The following RLIM variants were observed in gnomAD, a reference collection of about 807,000 sequenced individuals.
RLIM encodes ring finger protein, LIM domain interacting.
A neutral mutation model predicts 34.0 loss-of-function variants in RLIM; 2 were observed. The ratio of observed to expected loss-of-function variants is 0.06; its 90% CI spans 0.02 to 0.19. The LOEUF is 0.19. RLIM is among the 10% of genes least tolerant of loss of function. The pLI is 1.00. For missense variants in RLIM, 286 were observed against 479.7 expected (o/e 0.60, Z 3.77); for synonymous variants, 169 against 164.0 (o/e 1.03, Z -0.23).
chrX:74,584,043 TCAAA>T lies in RLIM; in HGVS notation c.*7393_*7396del, dbSNP rs759930645. 9.8e-5 allele frequency among the ~76,000 whole-genome samples: 11 copies of T among 111,699 alleles called. No homozygotes were observed. The highest frequency in any genetic ancestry group is 8.4e-4 in the East Asian group (3 of 3,566). On this transcript the variant is annotated 3_prime_UTR_variant, in exon 4 of 4. Transcript: ENST00000332687. The stretch of plus-strand genomic sequence containing the variant: ...CTGGGCGACAGGGCGAGAATCCATC[TCAAA>T]CAAACAAAAAAATAAACAAAAACCA...
rs925559902 is a variant in RLIM, at chrX:74,583,803, T to G, written c.*7637A>C. On this transcript the variant is annotated 3_prime_UTR_variant, in exon 4 of 4. Transcript: ENST00000332687. ...TGGCTCACGCCTGTAATACCACCAC[T>G]GTGGGAGGCCGAGACGGGCAGATCA... Among the ~76,000 whole-genome samples, 2 of 111,251 alleles carry G rather than the reference T, an allele frequency of 1.8e-5. No individual in the cohort carries two copies. Among genetic ancestry groups the G allele is most frequent in the Non-Finnish European group, 3.8e-5 (2 of 53,036 alleles).
Position 74,583,354 on chromosome X carries a change from A to T in RLIM, c.*8086T>A. 3.6e-6 allele frequency: 3 copies of T among 839,839 alleles called. No individual in the cohort carries two copies. The highest frequency in any genetic ancestry group is 5.4e-6 in the Non-Finnish European group (3 of 554,819). The allele number at this position is 839,839 out of a possible 1,213,427, so 69.2% of individuals were successfully genotyped here. A position where few individuals can be genotyped will look rare whatever the true frequency, so the allele number is the denominator to read the frequency against. ...TCTTGAGGGGCAGATGCCAACATGG[A>T]AACAGTCAAAGGTTCCTGACCTTGT... On this transcript the variant is annotated 3_prime_UTR_variant, in exon 4 of 4. Transcript: ENST00000332687.
intron 1 of RLIM, among the ~76,000 whole-genome samples, chrX:74,610,248 C>G (rs2079703020): frequency 9.0e-6 from 1 of 111,344 alleles, no homozygotes; most frequent in African/African-American, 3.3e-5. Context: ...GAAACTCCAT[C>G]TCTAGTAAAA....
In RLIM at chrX:74,598,351, G is replaced by A. The variant is rs2079647916; in HGVS notation, c.-23-2351C>T. On this transcript the variant is annotated intron_variant, in intron 1 of 3. Transcript: ENST00000332687. The stretch of plus-strand genomic sequence containing the variant: ...GTAAATATTAAAGTCATCTGGCTGG[G>A]GTGTGGTGGCTCACACCTGTAATCT... Among the ~76,000 whole-genome samples the A allele has an allele frequency of 2.7e-5, 3 of 111,629 alleles. No homozygotes were observed. The South Asian group carries it at 1.1e-3, about 42-fold the overall frequency.
rs1158367393 is a variant in RLIM at position 74,591,709 on chromosome X, G to A, written c.1606C>T (p.Leu536Phe). Residue 536 changes from leucine to phenylalanine, a missense_variant, in exon 4 of 4, where the codon CTC becomes TTC. Coordinates refer to ENST00000332687, the MANE Select transcript of RLIM (RefSeq NM_016120.4). ...LPFLSLAQFFLLNEDDDDQPR... is the reference protein window; with the variant it reads ...LPFLSLAQFFFLNEDDDDQPR... Reference sequence around the variant, plus strand: ...TGGTCATCATCATCCTCATTTAAGAGGAAAAACTGAGCCAGGCTAAGGAAG... The same window carrying A: ...TGGTCATCATCATCCTCATTTAAGAAGAAAAACTGAGCCAGGCTAAGGAAG... 1 of 1,211,658 alleles carries A rather than the reference G, an allele frequency of 8.3e-7. No individual in the cohort carries two copies. Among genetic ancestry groups the A allele is most frequent in the Admixed American group, 2.2e-5 (1 of 45,997 alleles).
Position 74,583,625 on chromosome X carries a change from C to T in RLIM, c.*7815G>A. On this transcript the variant is annotated 3_prime_UTR_variant, in exon 4 of 4. Coordinates refer to ENST00000332687, the MANE Select transcript of RLIM (RefSeq NM_016120.4). The stretch of plus-strand genomic sequence containing the variant: ...ATACCGTTTGCCCTAGGGCTGATTA[C>T]AAGGTACACTTAAACTGCTAAAATG... 2.3e-6 allele frequency: 1 copy of T among 437,128 alleles called. No homozygotes were observed. Among genetic ancestry groups the T allele is most frequent in the Non-Finnish European group, 4.0e-6 (1 of 248,801 alleles). 36.0% of individuals were successfully genotyped at this position (437,128 alleles called of 1,213,427 possible).
rs1023250785 is a variant in RLIM at position 74,594,946 on chromosome X, C to T, written c.170-557G>A. Among the ~76,000 whole-genome samples, 37 of 107,074 alleles carry T rather than the reference C, an allele frequency of 3.5e-4. 1 individual carries two copies. Among genetic ancestry groups the T allele is most frequent in the African/African-American group, 1.2e-3 (35 of 29,255 alleles). 93.0% of individuals were successfully genotyped at this position (107,074 alleles called of 115,157 possible). On this transcript the variant is annotated intron_variant, in intron 2 of 3. Transcript: ENST00000332687. ...GGCAAAGGCAATTCTAAGCTGGGCG[C>T]ACAGTGGTACCACATCTGTAGTGCC...
At position 74,591,422 on chromosome X, in the gene RLIM, TGA is replaced by T. The variant is rs1267795568; in HGVS notation, c.*16_*17del. 1.7e-6 allele frequency: 2 copies of T among 1,188,842 alleles called. No individual in the cohort carries two copies. Among genetic ancestry groups the T allele is most frequent in the African/African-American group, 3.5e-5 (2 of 56,781 alleles). On this transcript the variant is annotated 3_prime_UTR_variant, in exon 4 of 4. Coordinates refer to ENST00000332687, the MANE Select transcript of RLIM (RefSeq NM_016120.4). ...CCCATCACTATATCAGCTACATAGCTGAGAGTTCAGATCTTAATTACACAACA... is the reference window on the plus strand; with the variant it reads ...CCCATCACTATATCAGCTACATAGCTGAGTTCAGATCTTAATTACACAACA...
chrX:74,583,848 C>T lies in RLIM; in HGVS notation c.*7592G>A, dbSNP rs764763204. Among the ~76,000 whole-genome samples, 2 of 111,066 alleles carry T rather than the reference C, an allele frequency of 1.8e-5. No homozygotes were observed. Among genetic ancestry groups the T allele is most frequent in the Non-Finnish European group, 3.8e-5 (2 of 53,004 alleles). On this transcript the variant is annotated 3_prime_UTR_variant, in exon 4 of 4. Coordinates refer to ENST00000332687, the MANE Select transcript of RLIM (RefSeq NM_016120.4). ...AGATCATGGGATCAGGGGTTCAAGA[C>T]CAGCCTGGCCAACATGGTGAAACCC...
Position 74,583,021 on chromosome X carries a change from G to A in RLIM, c.*8419C>T. The stretch of plus-strand genomic sequence containing the variant: ...TTTTGATATTTTTTTCCATATTTAA[G>A]TTTTTCGATGTTTAGATATTTTTCT... On this transcript the variant is annotated 3_prime_UTR_variant, in exon 4 of 4. Transcript: ENST00000332687. 1.4e-6 allele frequency: 1 copy of A among 709,923 alleles called. No homozygotes were observed. Among genetic ancestry groups the A allele is most frequent in the South Asian group, 2.3e-5 (1 of 43,948 alleles). The allele number at this position is 709,923 out of a possible 1,213,427, so 58.5% of individuals were successfully genotyped here.
Position 74,592,105 on chromosome X carries a change from T to C in RLIM, c.1210A>G (p.Thr404Ala). 3.3e-6 allele frequency: 4 copies of C among 1,211,940 alleles called. No homozygotes were observed. Among genetic ancestry groups the C allele is most frequent in the Non-Finnish European group, 4.5e-6 (4 of 895,538 alleles). Reference protein sequence around the residue: ...LSETTSVAIQTMLRQIMTGFG... With the variant: ...LSETTSVAIQAMLRQIMTGFG... ...CCTGTCATTATCTGCCTTAACATGG[T>C]CTGAATTGCAACAGATGTAGTCTCA... Residue 404 changes from threonine (T) to alanine (A), a missense_variant, in exon 4 of 4, where the codon ACC (threonine) becomes GCC (alanine). Around this residue, in one of 6 missense-constraint regions of RLIM, gnomAD observed 12 missense variants for 45.2 expected, o/e 0.27. Coordinates refer to ENST00000332687, the MANE Select transcript of RLIM (RefSeq NM_016120.4).
At chrX:74,597,789 T>A (rs780305319) in intron 1 of RLIM, among the ~76,000 whole-genome samples, 1 of 112,181 alleles carries the variant, frequency 8.9e-6, no homozygotes, top group African/African-American at 3.2e-5. Context: ...AAGCTCAAGT[T>A]CCATGAATTT....
At position 74,590,911 on chromosome X, in the gene RLIM, G is replaced by A. The variant is rs1490343707; in HGVS notation, c.*529C>T. ...ATACACTTAGAAGATCCTAACCTTA[G>A]TGTTATTTACACTGACATGTCCAGT... On this transcript the variant is annotated 3_prime_UTR_variant, in exon 4 of 4. Transcript: ENST00000332687. 8.4e-6 allele frequency: 1 copy of A among 118,476 alleles called. No homozygotes were observed. The highest frequency in any genetic ancestry group is 8.4e-5 in the Admixed American group (1 of 11,899). The allele number at this position is 118,476 out of a possible 1,213,427, so 9.8% of individuals were successfully genotyped here.
chrX:74,612,708 C>T (rs1002561060), intron 1 of RLIM: 2 of 109,820 alleles, frequency 1.8e-5, no homozygotes, highest in Admixed American at 9.7e-5. Flanking sequence ...TTGAATTAGA[C>T]ACAACCTAAA....
rs766616703 is a variant in RLIM, at chrX:74,609,413, G to A, written c.-24+5009C>T. Among the ~76,000 whole-genome samples, 119 of 102,489 alleles carry A rather than the reference G, an allele frequency of 1.2e-3. 1 individual carries two copies. Among genetic ancestry groups the A allele is most frequent in the Non-Finnish European group, 5.1e-4 (26 of 50,616 alleles). 89.0% of individuals were successfully genotyped at this position (102,489 alleles called of 115,157 possible). On this transcript the variant is annotated intron_variant, in intron 1 of 3. Coordinates refer to ENST00000332687, the MANE Select transcript of RLIM (RefSeq NM_016120.4). ...TGAAGCAGGAGAATGGCGTGAACCC[G>A]GGAGGCAGAGCTTGCAGTGAGCCGA...
chrX:74,595,502 C>T (rs1257005336), intron 2 of RLIM, among the ~76,000 whole-genome samples: 1 of 111,374 alleles, frequency 9.0e-6, no homozygotes, highest in Non-Finnish European at 1.9e-5. Flanking sequence ...AGCTATTCCA[C>T]ACTCGGATTC....
intron 1 of RLIM, among the ~76,000 whole-genome samples, chrX:74,603,176 T>A (rs2079668271): frequency 9.0e-6 from 1 of 110,538 alleles, no homozygotes; most frequent in Non-Finnish European, 1.9e-5. Flanking sequence ...TATTCTGGGC[T>A]TAGGGTCATA....
Position 74,592,853 on chromosome X carries a change from A to G in RLIM, c.462T>C (p.Asn154=). The change falls in exon 4 of 4, where the codon AAT becomes AAC. Residue 154 remains asparagine, a synonymous_variant. Coordinates refer to ENST00000332687, the MANE Select transcript of RLIM (RefSeq NM_016120.4). The stretch of plus-strand genomic sequence containing the variant: ...AACGTCTTGCAGATGGCTCATTTTC[A>G]TTCTCTGAATTTTGGCTCCCATTAT... ...NRNNGSQNSE[N]ENEPSARRSS... 1 of 1,211,334 alleles carries G rather than the reference A, an allele frequency of 8.3e-7. No homozygotes were observed. Among genetic ancestry groups the G allele is most frequent in the East Asian group, 3.0e-5 (1 of 33,825 alleles).
Position 74,589,307 on chromosome X carries a change from C to T in RLIM, c.*2133G>A, listed in dbSNP as rs868061654. On this transcript the variant is annotated 3_prime_UTR_variant, in exon 4 of 4. Transcript: ENST00000332687. ...TTTGTTTTTAGCCAATCAAGACTAC[C>T]CTGCAGATCTGAAAACTGTAGATTA... is the stretch of plus-strand genomic sequence containing the variant. 2 of 111,249 alleles carry T rather than the reference C, an allele frequency of 1.8e-5. No individual in the cohort carries two copies. Among genetic ancestry groups the T allele is most frequent in the East Asian group, 5.6e-4 (2 of 3,553 alleles). The allele number at this position is 111,249 out of a possible 1,213,427, so 9.2% of individuals were successfully genotyped here. A position where few individuals can be genotyped will look rare whatever the true frequency, so the allele number is the denominator to read the frequency against.
Sources: allele counts gnomAD v4.1 joint callset (sites outside exome capture counted in the v4.1 genomes callset), GRCh38; gene constraint gnomAD v4.1.1; regional missense constraint gnomAD v4.1.1; transcripts MANE v1.5; gene names NCBI Gene and HGNC (gene_info 2026-07-23, HGNC 2026-07-21).